The following ERC2 variants were observed in gnomAD, a reference collection of about 807,000 sequenced individuals.
ERC2 encodes the protein ERC protein 2.
ERC2 carries 42 observed loss-of-function variants against 114.8 expected under a neutral mutation model. The ratio of observed to expected loss-of-function variants is 0.37; its 90% CI spans 0.29 to 0.47. The LOEUF (loss-of-function observed/expected upper bound fraction) is 0.47. Ranked by LOEUF, ERC2 falls within the 20% of genes least tolerant of loss-of-function variation. The pLI is 0.99. For missense variants in ERC2, 939 were observed against 1,150.7 expected, an observed-to-expected ratio of 0.82 and a Z score of 2.66; for synonymous variants, 454 against 425.5, an observed-to-expected ratio of 1.07 and a Z score of -0.82.
intron 13 of ERC2, among the ~76,000 whole-genome samples, chr3:55,894,564 T>C (rs2063754262): frequency 6.6e-6 from 1 of 152,202 alleles, no homozygotes; most frequent in Non-Finnish European, 1.5e-5. Flanking sequence ...AACAGGTACT[T>C]CTTCAAACTT....
chr3:56,107,428 G>T (rs1385199087), intron 6 of ERC2, among the ~76,000 whole-genome samples: 2 of 151,940 alleles, frequency 1.3e-5, no homozygotes, highest in Admixed American at 6.6e-5. Flanking sequence ...AAGGGGCTTT[G>T]GGTCCCAGTC....
chr3:56,133,307 C>T (rs1249735698), intron 6 of ERC2, among the ~76,000 whole-genome samples: 1 of 152,076 alleles, frequency 6.6e-6, no homozygotes, highest in Non-Finnish European at 1.5e-5. Context: ...TATGGTGTTG[C>T]ATGCCTATAA....
At chr3:56,010,138 G>A (rs1374427808) in intron 9 of ERC2, among the ~76,000 whole-genome samples, 1 of 152,172 alleles carries the variant, frequency 6.6e-6, no homozygotes, top group African/African-American at 2.4e-5. Flanking sequence ...TCTCAAGCAA[G>A]GGATCATGGG....
intron 2 of ERC2, among the ~76,000 whole-genome samples, chr3:56,361,145 G>C (rs145635575): frequency 2.2e-3 from 336 of 152,226 alleles, no homozygotes; most frequent in African/African-American, 7.4e-3. Context: ...GCTATGGAGA[G>C]TGGGGAAGCT....
chr3:55,934,855 T>C (rs1180777585), intron 13 of ERC2, among the ~76,000 whole-genome samples: 3 of 152,188 alleles, frequency 2.0e-5, no homozygotes, highest in Non-Finnish European at 4.4e-5. Context: ...ACCCAATCAG[T>C]ATATTATTTA....
intron 7 of ERC2, among the ~76,000 whole-genome samples, chr3:56,069,857 A>T (rs1025345070): frequency 6.6e-6 from 1 of 152,210 alleles, no homozygotes; most frequent in Non-Finnish European, 1.5e-5. Context: ...ACTTCCATGA[A>T]AACAGTCTGT....
At chr3:56,214,439 G>C (rs1338979775) in intron 3 of ERC2, among the ~76,000 whole-genome samples, 1 of 152,058 alleles carries the variant, frequency 6.6e-6, no homozygotes, top group Non-Finnish European at 1.5e-5. Flanking sequence ...GAGAAGTTTA[G>C]AGAAAAAAGA....
intron 13 of ERC2, among the ~76,000 whole-genome samples, chr3:55,926,906 T>C (rs1466028443): frequency 2.0e-5 from 3 of 152,190 alleles, no homozygotes; most frequent in South Asian, 4.1e-4. Context: ...AGGAGCTCAA[T>C]AAATATTTTT....
intron 3 of ERC2, among the ~76,000 whole-genome samples, chr3:56,212,346 GA>G (rs1273078208): frequency 6.6e-6 from 1 of 151,950 alleles, no homozygotes; most frequent in Admixed American, 6.6e-5. Flanking sequence ...ACAAATACAT[GA>G]AAAAAATTCT....
chr3:56,235,082 A>C (rs905977051), intron 3 of ERC2, among the ~76,000 whole-genome samples: 47 of 152,196 alleles, frequency 3.1e-4, no homozygotes, highest in African/African-American at 1.1e-3. Flanking sequence ...ATGGTAGAAC[A>C]ACTGCTTTCA....
At chr3:55,982,326 G>A (rs116349333) in intron 12 of ERC2, among the ~76,000 whole-genome samples, 2,100 of 152,150 alleles carry the variant, frequency 0.014, 44 homozygotes, top group African/African-American at 0.048. Context: ...GATTTAGGGG[G>A]TAAAAAAACC....
chr3:56,277,058 G>A (rs950224043), intron 3 of ERC2, among the ~76,000 whole-genome samples: 3 of 152,180 alleles, frequency 2.0e-5, no homozygotes, highest in African/African-American at 4.8e-5. Flanking sequence ...TCCCTCCCAT[G>A]AGAGTCTCTA....
At chr3:55,538,581 C>T (rs750417048) in intron 17 of ERC2, among the ~76,000 whole-genome samples, 3 of 152,172 alleles carry the variant, frequency 2.0e-5, no homozygotes, top group Non-Finnish European at 2.9e-5. Context: ...GCATTGCGTG[C>T]TTTAACGAAC....
chr3:55,745,111 A>G (rs11130481), intron 14 of ERC2, among the ~76,000 whole-genome samples: 82,730 of 152,044 alleles, frequency 0.54, 22,891 homozygotes, highest in South Asian at 0.7. Flanking sequence ...TAAGCTGCAC[A>G]TTTGACTTTC....
chr3:55,659,734 T>C (rs1043377023), intron 17 of ERC2, among the ~76,000 whole-genome samples: 12 of 152,168 alleles, frequency 7.9e-5, no homozygotes, highest in African/African-American at 2.7e-4. Flanking sequence ...TTGCCTCCTA[T>C]ACTCCAGATG....
chr3:55,662,143 G>C (rs535097490), intron 17 of ERC2, among the ~76,000 whole-genome samples: 1 of 152,340 alleles, frequency 6.6e-6, no homozygotes, highest in South Asian at 2.1e-4. Flanking sequence ...AGATTGGAAT[G>C]TATTTGCCAA....
chr3:56,408,491 A>G (rs1300927431), intron 2 of ERC2, among the ~76,000 whole-genome samples: 1 of 151,912 alleles, frequency 6.6e-6, no homozygotes, highest in East Asian at 1.9e-4. Context: ...CACACACCCC[A>G]TATACGCTCA....
chr3:56,442,858 T>C (rs752277728), intron 1 of ERC2, among the ~76,000 whole-genome samples: 23 of 152,218 alleles, frequency 1.5e-4, no homozygotes, highest in Non-Finnish European at 2.6e-4. Context: ...AAGGCAGTGA[T>C]TGAGACAGAC....
chr3:56,103,743 GTATCTATCTATCTATC>G (rs58839474), intron 6 of ERC2, among the ~76,000 whole-genome samples: 33 of 149,162 alleles, frequency 2.2e-4, no homozygotes, highest in South Asian at 6.5e-4. Flanking sequence ...AACTAGAAGT[GTATCTATCTATCTATC>G]TATCTATCTA....
Sources: allele counts gnomAD v4.1 joint callset (sites outside exome capture counted in the v4.1 genomes callset), GRCh38; gene constraint gnomAD v4.1.1; transcripts MANE v1.5; gene names NCBI Gene and HGNC (gene_info 2026-07-23, HGNC 2026-07-21).